Variants in NPAS2 observed in about 807,000 individuals in gnomAD.
NPAS2 encodes the protein neuronal PAS domain-containing protein 2.
A neutral mutation model predicts 107.5 loss-of-function variants in NPAS2; 23 were observed. The ratio of observed to expected loss-of-function variants is 0.21; its 90% CI spans 0.15 to 0.30. NPAS2 has a LOEUF of 0.30. Ranked by LOEUF, NPAS2 falls within the 10% of genes least tolerant of loss-of-function variation. The pLI is 1.00. For synonymous variants in NPAS2, 403 were observed against 417.5 expected (o/e 0.97, Z 0.42); for missense variants, 756 against 1,043.3 (o/e 0.72, Z 3.79).
At chr2:100,885,116 T>A (rs976103429) in intron 1 of NPAS2, among the ~76,000 whole-genome samples, 2 of 151,746 alleles carry the variant, frequency 1.3e-5, no homozygotes, top group African/African-American at 4.8e-5. Context: ...GCCCAGCTAA[T>A]TTTTTTTGTA....
intron 1 of NPAS2, among the ~76,000 whole-genome samples, chr2:100,867,904 C>CT (rs1285526510): frequency 6.6e-6 from 1 of 151,826 alleles, no homozygotes; most frequent in Non-Finnish European, 1.5e-5. Context: ...TTTTTTCTGC[C>CT]TTTTTTTCCC....
chr2:100,901,410 C>CT, intron 1 of NPAS2: 1 of 424,150 alleles, frequency 2.4e-6, no homozygotes, highest in Non-Finnish European at 3.2e-6. Flanking sequence ...GGATTTCAAA[C>CT]TGGGGGGGAT....
rs562929843 is a variant in NPAS2 at position 100,873,808 on chromosome 2, G to A, written c.-22-30925G>A. ...ACAAGTAAGCTCCAAAATCCCAACC[G>A]CTATCATACCTGAGCATCATACCTG... On this transcript the variant is annotated intron_variant, in intron 1 of 20. Transcript: ENST00000335681. Among the ~76,000 whole-genome samples, 12 of 152,188 alleles carry A rather than the reference G, an allele frequency of 7.9e-5. No individual in the cohort carries two copies. The South Asian group carries it at 1.0e-3, about 13-fold the overall frequency.
intron 1 of NPAS2, among the ~76,000 whole-genome samples, chr2:100,877,290 C>G (rs1015085169): frequency 1.3e-5 from 2 of 152,016 alleles, no homozygotes; most frequent in African/African-American, 4.8e-5. Flanking sequence ...CAGTGAAACC[C>G]CGCCTCTACT....
At chr2:100,892,811 A>G (rs1406994444) in intron 1 of NPAS2, among the ~76,000 whole-genome samples, 1 of 152,052 alleles carries the variant, frequency 6.6e-6, no homozygotes, top group Non-Finnish European at 1.5e-5. Context: ...CCTTTGGCTC[A>G]GGTTCGAGTA....
chr2:100,842,419 C>T (rs13414614), intron 1 of NPAS2, among the ~76,000 whole-genome samples: 3,490 of 152,084 alleles, frequency 0.023, 141 homozygotes, highest in African/African-American at 0.079. Context: ...AGCTAGTCTG[C>T]GCCCACATAG....
intron 1 of NPAS2, among the ~76,000 whole-genome samples, chr2:100,858,768 A>G (rs1678743838): frequency 6.6e-6 from 1 of 152,146 alleles, no homozygotes; most frequent in Admixed American, 6.6e-5. Flanking sequence ...AGTCCTAATT[A>G]CTGACATTAG....
chr2:100,982,159 C>T, intron 15 of NPAS2, 72 bp from the exon 16 acceptor site: 1 of 1,553,662 alleles, frequency 6.4e-7, no homozygotes, highest in Non-Finnish European at 8.8e-7. Flanking sequence ...ACAGACCGAG[C>T]AGCAGCAAGA....
At chr2:100,825,668 G>T (rs1676329186) in intron 1 of NPAS2, among the ~76,000 whole-genome samples, 1 of 152,178 alleles carries the variant, frequency 6.6e-6, no homozygotes, top group Admixed American at 6.5e-5. Context: ...CCAGTGACTG[G>T]CTCAGGGTGA....
At chr2:100,920,975 C>T (rs1024090195) in intron 2 of NPAS2, among the ~76,000 whole-genome samples, 3 of 152,210 alleles carry the variant, frequency 2.0e-5, no homozygotes, top group African/African-American at 4.8e-5. Context: ...CAACGGGGAA[C>T]ACAAACACCA....
At chr2:100,848,674 A>G (rs1203882089) in intron 1 of NPAS2, among the ~76,000 whole-genome samples, 1 of 152,236 alleles carries the variant, frequency 6.6e-6, no homozygotes, top group Non-Finnish European at 1.5e-5. Flanking sequence ...CATTACTTGC[A>G]CAGTTCAACA....
intron 1 of NPAS2, among the ~76,000 whole-genome samples, chr2:100,840,603 A>T (rs200869929): frequency 6.9e-6 from 1 of 145,580 alleles, no homozygotes; most frequent in Non-Finnish European, 1.5e-5. Flanking sequence ...CACAGCCCCC[A>T]TTTTTTTTTT....
At chr2:100,830,178 A>G (rs1676642675) in intron 1 of NPAS2, among the ~76,000 whole-genome samples, 1 of 152,212 alleles carries the variant, frequency 6.6e-6, no homozygotes, top group Non-Finnish European at 1.5e-5. Flanking sequence ...GTGCAATAAC[A>G]TGACAGGTGG....
chr2:100,940,452 TTG>T (rs774297454), intron 5 of NPAS2, among the ~76,000 whole-genome samples: 32 of 152,200 alleles, frequency 2.1e-4, no homozygotes, highest in Non-Finnish European at 4.1e-4. Flanking sequence ...ACTTGTGAGG[TTG>T]TCTTTCCTTT....
chr2:100,885,179 T>G (rs1318881472), intron 1 of NPAS2, among the ~76,000 whole-genome samples: 1 of 152,142 alleles, frequency 6.6e-6, no homozygotes, highest in South Asian at 2.1e-4. Context: ...CTCTGTCTCC[T>G]GACCTCATGA....
chr2:100,964,778 C>T (rs892559813), intron 8 of NPAS2, 83 bp from the exon 9 acceptor site: 1 of 776,872 alleles, frequency 1.3e-6, no homozygotes. Context: ...CTTCTGTTAC[C>T]CACCACGCGT....
At chr2:100,906,449 A>G (rs1247514938) in intron 2 of NPAS2, among the ~76,000 whole-genome samples, 1 of 152,178 alleles carries the variant, frequency 6.6e-6, no homozygotes, top group Non-Finnish European at 1.5e-5. Context: ...CTCACCTGCA[A>G]TGTAAGGGTA....
Position 100,965,521 on chromosome 2 carries a change from C to T in NPAS2, c.801-139C>T. On this transcript the variant is annotated intron_variant, in intron 9 of 20. Transcript: ENST00000335681. This position sits in a 1 kb window ranked among gnomAD's most constrained non-coding sequence, Gnocchi z 4.3. ...GAAAACACAGCCTCTCTGATTTTGA[C>T]CATTACAAAGTTATTTTTCTCCCCT... The T allele has an allele frequency of 1.7e-6, 1 of 584,206 alleles. No individual in the cohort carries two copies. Among genetic ancestry groups the T allele is most frequent in the Non-Finnish European group, 3.0e-6 (1 of 329,836 alleles). The allele number at this position is 584,206 out of a possible 1,614,324, so 36.2% of individuals were successfully genotyped here.
chr2:100,851,891 AAC>A (rs1185848606), intron 1 of NPAS2, among the ~76,000 whole-genome samples: 3 of 152,166 alleles, frequency 2.0e-5, no homozygotes, highest in African/African-American at 7.2e-5. Flanking sequence ...GGTAGATGGG[AAC>A]ACAGTCAAAA....
Sources: allele counts gnomAD v4.1 joint callset (sites outside exome capture counted in the v4.1 genomes callset), GRCh38; gene constraint gnomAD v4.1.1; non-coding constraint Gnocchi (gnomAD v3.1); transcripts MANE v1.5; gene names NCBI Gene and HGNC (gene_info 2026-07-23, HGNC 2026-07-21).